PCGF3: variants seen among roughly 807,000 people sequenced by gnomAD.
The protein encoded by PCGF3 is polycomb group RING finger protein 3.
PCGF3 carries 7 observed loss-of-function variants against 33.1 expected under a neutral mutation model. That is an observed-to-expected ratio of 0.21 (90% CI 0.12 to 0.40). PCGF3 has a LOEUF of 0.40. Ranked by LOEUF, PCGF3 falls within the 10% of genes least tolerant of loss-of-function variation. The pLI is 1.00. For missense variants in PCGF3, 211 were observed against 313.3 expected, an observed-to-expected ratio of 0.67 and a Z score of 2.46; for synonymous variants, 153 against 121.3, an observed-to-expected ratio of 1.26 and a Z score of -1.72.
chr4:765,933 C>T (rs62294078), intron 10 of PCGF3, 99 bp from the exon 11 acceptor site: 89,251 of 1,038,956 alleles, frequency 0.086, 4,300 homozygotes, highest in South Asian at 0.14. Flanking sequence ...GTGGACTGTG[C>T]CTCACGGGAC....
intron 4 of PCGF3, 125 bp downstream of exon 4, chr4:733,914 C>A (rs370413984): frequency 2.9e-5 from 45 of 1,574,106 alleles, no homozygotes; most frequent in Admixed American, 2.5e-4. Context: ...GAACCAGGAC[C>A]AGGGGCAGAG....
chr4:731,589 A>G (rs111427961), intron 3 of PCGF3, among the ~76,000 whole-genome samples: 6,365 of 61,130 alleles, frequency 0.1, 627 homozygotes, highest in Non-Finnish European at 0.14. Context: ...GTCCTCGGGC[A>G]TAGGGCGGGG....
intron 6 of PCGF3, among the ~76,000 whole-genome samples, chr4:740,831 G>A (rs893897021): frequency 2.0e-5 from 3 of 152,202 alleles, no homozygotes; most frequent in Admixed American, 6.5e-5. Context: ...CCGTAAGCCC[G>A]TCCGTGGTGC....
At chr4:736,175 G>A (rs1474458752) in intron 5 of PCGF3, among the ~76,000 whole-genome samples, 1 of 152,086 alleles carries the variant, frequency 6.6e-6, no homozygotes, top group East Asian at 1.9e-4. Flanking sequence ...AGCCTCCCGA[G>A]TAGCTGGAAT....
intron 1 of PCGF3, among the ~76,000 whole-genome samples, chr4:717,911 G>A (rs1327079854): frequency 6.6e-6 from 1 of 152,214 alleles, no homozygotes; most frequent in Admixed American, 6.5e-5. Context: ...TGGCCCTGAG[G>A]AGCCTCTGCG....
At chr4:750,905 C>T (rs574388215) in intron 8 of PCGF3, among the ~76,000 whole-genome samples, 5 of 152,126 alleles carry the variant, frequency 3.3e-5, no homozygotes, top group East Asian at 3.9e-4. Context: ...GTACTAACAT[C>T]GCTACAGTTG....
At chr4:751,617 T>TAA (rs951711336) in intron 8 of PCGF3, among the ~76,000 whole-genome samples, 10 of 144,358 alleles carry the variant, frequency 6.9e-5, no homozygotes, top group African/African-American at 2.0e-4. Context: ...TACTAAGCAT[T>TAA]AAAAAAAAAA....
chr4:755,842 A>T (rs1302326821), intron 8 of PCGF3, among the ~76,000 whole-genome samples: 1 of 148,274 alleles, frequency 6.7e-6, no homozygotes, highest in African/African-American at 2.5e-5. Flanking sequence ...TTATTTTACC[A>T]TTAAGTTGTG....
At chr4:763,840 G>A (rs371439792) in intron 9 of PCGF3, among the ~76,000 whole-genome samples, 11 of 152,180 alleles carry the variant, frequency 7.2e-5, no homozygotes, top group African/African-American at 2.2e-4. Flanking sequence ...AAAATAAACC[G>A]TGGTGCATCC....
At chr4:766,136 G>A (rs562928926) in exon 11 of PCGF3, 34 of 1,470,626 alleles carry the variant, frequency 2.3e-5, no homozygotes, top group South Asian at 1.0e-4. Context: ...GCTCCCGGCC[G>A]CCGCGCTTAA....
chr4:768,751 ATTGT>A (rs1479921608), exon 11 of PCGF3: 1 of 152,576 alleles, frequency 6.6e-6, no homozygotes, highest in African/African-American at 2.4e-5. Context: ...TTCCCATCCA[ATTGT>A]TTGGTTTCAG....
chr4:766,248 C>T (rs1560222906), exon 11 of PCGF3: 17 of 602,086 alleles, frequency 2.8e-5, no homozygotes, highest in Non-Finnish European at 5.0e-5. Flanking sequence ...ACTACCAGCA[C>T]CACGTTTACA....
At position 733,767 on chromosome 4, in the gene PCGF3, G is replaced by A. The variant is rs35762433; in HGVS notation, c.87G>A (p.Thr29=). 962 of 1,613,542 alleles carry A rather than the reference G, an allele frequency of 6.0e-4. 3 individuals carry two copies. In the African/African-American group the frequency reaches 0.011, roughly 19 times the overall value. The change falls in exon 4 of 11, where the codon ACG becomes ACA. Residue 29 remains threonine (T), a synonymous_variant. Transcript: ENST00000362003. The stretch of plus-strand genomic sequence containing the variant: ...GCGGGTACCTCATCGACGCCACCAC[G>A]GTGACCGAGTGTCTGCACACCTGTA...
intron 9 of PCGF3, chr4:762,172 T>A: frequency 1.3e-6 from 1 of 773,344 alleles, no homozygotes; most frequent in Non-Finnish European, 1.6e-6. Context: ...GGATCTTGTT[T>A]GGAAAAGGAT....
intron 9 of PCGF3, 197 bp downstream of exon 9, chr4:761,613 G>T (rs1745063003): frequency 1.0e-6 from 1 of 964,150 alleles, no homozygotes; most frequent in Non-Finnish European, 1.2e-6. Flanking sequence ...CAGAGACAGG[G>T]AACGTGGAAT....
At chr4:738,498 T>C (rs1743936336) in intron 6 of PCGF3, among the ~76,000 whole-genome samples, 1 of 151,986 alleles carries the variant, frequency 6.6e-6, no homozygotes, top group African/African-American at 2.4e-5. Flanking sequence ...CGCGTAGCAG[T>C]GGGCGGGATC....
At position 720,035 on chromosome 4, in the gene PCGF3, G is replaced by T. The variant is rs770150169; in HGVS notation, c.-189-10595G>T. Among the ~76,000 whole-genome samples the T allele has an allele frequency of 6.6e-6, 1 of 152,186 alleles. No individual in the cohort carries two copies. The highest frequency in any genetic ancestry group is 1.9e-4 in the East Asian group (1 of 5,192). ...CAGTTGCAGCAGTTTGGTCATTTTT[G>T]TGTGAAAATAAATGAAAACAGGTTT... On this transcript the variant is annotated intron_variant, in intron 1 of 10. Transcript: ENST00000362003. The surrounding 1 kb of genome is among the most constrained non-coding windows in gnomAD (Gnocchi z 5.6).
At chr4:765,622 C>T (rs1406988448) in intron 10 of PCGF3, among the ~76,000 whole-genome samples, 1 of 152,154 alleles carries the variant, frequency 6.6e-6, no homozygotes, top group East Asian at 1.9e-4. Context: ...CCTTTGGGCC[C>T]CTCTGAAGCA....
At chr4:744,455 C>G (rs115663287) in intron 7 of PCGF3, 145 bp from the exon 8 acceptor site, 1 of 650,976 alleles carries the variant, frequency 1.5e-6, no homozygotes, top group Non-Finnish European at 2.7e-6. Flanking sequence ...TTGCGGACGG[C>G]TTTCCTTTGA....
Sources: gnomAD v4.1 joint callset for allele counts (sites outside exome capture counted in the v4.1 genomes callset) on GRCh38, gnomAD v4.1.1 for gene constraint, Gnocchi (gnomAD v3.1) non-coding constraint, MANE v1.5 for transcripts, NCBI Gene and HGNC (gene_info 2026-07-23, HGNC 2026-07-21) for gene names.